Variants in NXPH1 observed in about 807,000 individuals in gnomAD.
NXPH1 encodes the protein neurexophilin 1.
NXPH1 carries 5 observed loss-of-function variants against 23.7 expected under a neutral mutation model. That is an observed-to-expected ratio of 0.21 (90% confidence interval 0.11 to 0.44). NXPH1 has a LOEUF of 0.44. NXPH1 is among the 20% of genes least tolerant of loss of function. The probability of loss-of-function intolerance (pLI) is 0.99; values close to 1 mark genes in which losing one functional copy is unlikely to be tolerated. For synonymous variants in NXPH1, 144 were observed against 122.2 expected, an observed-to-expected ratio of 1.18 and a Z score of -1.18; for missense variants, 324 against 321.6, an observed-to-expected ratio of 1.01 and a Z score of -0.06.
intron 2 of NXPH1, among the ~76,000 whole-genome samples, chr7:8,739,270 G>C (rs777056455): frequency 2.0e-5 from 3 of 151,208 alleles, no homozygotes; most frequent in Non-Finnish European, 2.9e-5. Flanking sequence ...TCAGGGCCCT[G>C]GTGGTATAGG....
At chr7:8,705,744 CAGCAGTGTGCTTT>C (rs1458213732) in intron 2 of NXPH1, among the ~76,000 whole-genome samples, 1 of 152,156 alleles carries the variant, frequency 6.6e-6, no homozygotes, top group Non-Finnish European at 1.5e-5. Context: ...AGATCACCAG[CAGCAGTGTGCTTT>C]TACCTAGCAA....
Position 8,602,045 on chromosome 7 carries a change from G to A in NXPH1, c.55-148963G>A, listed in dbSNP as rs141396808. Among the ~76,000 whole-genome samples, 834 of 152,162 alleles carry A rather than the reference G, an allele frequency of 5.5e-3. 5 individuals are homozygous for A. Among genetic ancestry groups the A allele is most frequent in the Non-Finnish European group, 8.6e-3 (588 of 68,000 alleles). On this transcript the variant is annotated intron_variant, in intron 2 of 2. Transcript: ENST00000405863. ...AATAATAATTAGTATGTTCAGTATT[G>A]GTGGATATAGTATATCAGAAAAGTA... is the stretch of plus-strand genomic sequence containing the variant.
intron 2 of NXPH1, among the ~76,000 whole-genome samples, chr7:8,638,509 G>C (rs1265244344): frequency 1.3e-5 from 2 of 152,192 alleles, no homozygotes; most frequent in African/African-American, 2.4e-5. Context: ...GTAATCCACA[G>C]TAGAAAGCTT....
chr7:8,479,652 T>C (rs1021948011), intron 2 of NXPH1, among the ~76,000 whole-genome samples: 2 of 152,134 alleles, frequency 1.3e-5, no homozygotes, highest in Admixed American at 1.3e-4. Flanking sequence ...AATGACTAAT[T>C]CCAGGTCTGG....
intron 2 of NXPH1, among the ~76,000 whole-genome samples, chr7:8,530,656 G>A (rs1050322583): frequency 6.6e-6 from 1 of 152,212 alleles, no homozygotes; most frequent in South Asian, 2.1e-4. Flanking sequence ...GAGGGAGGAG[G>A]TGAGTCAACA....
intron 2 of NXPH1, among the ~76,000 whole-genome samples, chr7:8,740,203 C>T (rs754508082): frequency 2.0e-5 from 3 of 152,186 alleles, no homozygotes; most frequent in Non-Finnish European, 4.4e-5. Context: ...TGTGCTCAAA[C>T]TGCATGTAAC....
intron 2 of NXPH1, among the ~76,000 whole-genome samples, chr7:8,687,147 A>G (rs1010959235): frequency 6.6e-6 from 1 of 152,116 alleles, no homozygotes; most frequent in Non-Finnish European, 1.5e-5. Flanking sequence ...TAGATTTCAC[A>G]GTATGTAATG....
chr7:8,553,129 A>G (rs1453838021), intron 2 of NXPH1, among the ~76,000 whole-genome samples: 1 of 151,536 alleles, frequency 6.6e-6, no homozygotes, highest in African/African-American at 2.4e-5. Flanking sequence ...GTCTTTGGAA[A>G]TTGTGCAGAT....
intron 2 of NXPH1, among the ~76,000 whole-genome samples, chr7:8,682,575 A>C (rs568848495): frequency 1.3e-3 from 195 of 152,348 alleles, no homozygotes; most frequent in Non-Finnish European, 2.5e-3. Flanking sequence ...TTCTTATATC[A>C]TCTGGGGAAA....
rs148901923 is a variant in NXPH1, at chr7:8,723,387, G to T, written c.55-27621G>T. 1.7e-3 allele frequency among the ~76,000 whole-genome samples: 266 copies of T among 152,260 alleles called. 5 individuals carry two copies. The East Asian group carries it at 0.035, about 20-fold the overall frequency. On this transcript the variant is annotated intron_variant, in intron 2 of 2. Coordinates refer to ENST00000405863, the MANE Select transcript of NXPH1 (RefSeq NM_152745.3). ...TGTAGAATATGATGCTAACTTTCTT[G>T]CCACTAAGAGACCATACTCACTATT...
chr7:8,452,636 G>T (rs1816526865), intron 2 of NXPH1, among the ~76,000 whole-genome samples: 1 of 152,082 alleles, frequency 6.6e-6, no homozygotes, highest in Non-Finnish European at 1.5e-5. Flanking sequence ...AAGCCATTTA[G>T]GTATGTGGTG....
intron 2 of NXPH1, among the ~76,000 whole-genome samples, chr7:8,514,239 T>A (rs1817655585): frequency 6.6e-6 from 1 of 152,166 alleles, no homozygotes; most frequent in African/African-American, 2.4e-5. Flanking sequence ...TTCAATACAT[T>A]CTGCTTTTTA....
intron 2 of NXPH1, among the ~76,000 whole-genome samples, chr7:8,589,147 C>T (rs552599588): frequency 6.6e-6 from 1 of 152,110 alleles, no homozygotes; most frequent in African/African-American, 2.4e-5. Context: ...AAATATTTTT[C>T]CTCTGCTCTG....
chr7:8,463,210 T>C (rs935782017), intron 2 of NXPH1, among the ~76,000 whole-genome samples: 1 of 152,124 alleles, frequency 6.6e-6, no homozygotes, highest in African/African-American at 2.4e-5. Flanking sequence ...AAAACACAAA[T>C]TGAGGCATAT....
Position 8,719,555 on chromosome 7 carries a change from T to G in NXPH1, c.55-31453T>G, listed in dbSNP as rs115253969. On this transcript the variant is annotated intron_variant, in intron 2 of 2. Transcript: ENST00000405863. ...CTAAAAGTAGGATTATTAATGAAAA[T>G]TATATTATATTTGGTGGATAACCAT... Among the ~76,000 whole-genome samples, 499 of 152,228 alleles carry G rather than the reference T, an allele frequency of 3.3e-3. 2 individuals carry two copies. The highest frequency in any genetic ancestry group is 0.011 in the African/African-American group (475 of 41,532).
At chr7:8,454,597 T>G (rs532901874) in intron 2 of NXPH1, among the ~76,000 whole-genome samples, 1 of 152,196 alleles carries the variant, frequency 6.6e-6, no homozygotes, top group African/African-American at 2.4e-5. Flanking sequence ...CATTAGCCAC[T>G]CTTTCTGGCC....
intron 2 of NXPH1, among the ~76,000 whole-genome samples, chr7:8,637,674 T>A (rs2115139921): frequency 6.6e-6 from 1 of 152,326 alleles, no homozygotes; most frequent in East Asian, 1.9e-4. Flanking sequence ...AGAAATAAAT[T>A]TTAGGCTTTG....
chr7:8,598,850 G>A (rs1819289832), intron 2 of NXPH1, among the ~76,000 whole-genome samples: 1 of 152,106 alleles, frequency 6.6e-6, no homozygotes. Context: ...TCTGAAGCCA[G>A]CCTAATTGCT....
chr7:8,522,684 A>C (rs1261161528), intron 2 of NXPH1, among the ~76,000 whole-genome samples: 1 of 152,120 alleles, frequency 6.6e-6, no homozygotes, highest in Non-Finnish European at 1.5e-5. Context: ...TAATTTTCCT[A>C]TTTAAAGGCT....
Sources: allele counts gnomAD v4.1 joint callset (sites outside exome capture counted in the v4.1 genomes callset), GRCh38; gene constraint gnomAD v4.1.1; transcripts MANE v1.5; gene names NCBI Gene and HGNC (gene_info 2026-07-23, HGNC 2026-07-21).